The following ARL6IP6 variants were observed in gnomAD, a reference collection of about 807,000 sequenced individuals.
ARL6IP6 encodes ARF like GTPase 6 interacting protein 6.
Under a neutral mutation model 21.5 loss-of-function variants are expected in ARL6IP6, and 22 were observed. The ratio of observed to expected loss-of-function variants is 1.02; its 90% CI spans 0.73 to 1.46. ARL6IP6 has a LOEUF of 1.46. ARL6IP6 is among the 40% of genes most tolerant of loss of function. The pLI, the probability that ARL6IP6 is intolerant of heterozygous loss-of-function variation, is 0.00. For missense variants in ARL6IP6, 388 were observed against 299.8 expected (o/e 1.29, Z -2.17); for synonymous variants, 164 against 125.3 (o/e 1.31, Z -2.06).
intron 2 of ARL6IP6, among the ~76,000 whole-genome samples, chr2:152,733,912 C>G (rs1437806311): frequency 2.0e-5 from 3 of 152,180 alleles, no homozygotes; most frequent in African/African-American, 7.2e-5. Flanking sequence ...GCACAATAAC[C>G]AACACATAGT....
chr2:152,737,113 C>T (rs1038252523), intron 3 of ARL6IP6, among the ~76,000 whole-genome samples: 1 of 152,158 alleles, frequency 6.6e-6, no homozygotes, highest in Non-Finnish European at 1.5e-5. Context: ...CCCAAATGAC[C>T]CTACCCTACT....
intron 2 of ARL6IP6, among the ~76,000 whole-genome samples, chr2:152,732,303 C>T (rs1223897935): frequency 2.0e-5 from 3 of 152,060 alleles, no homozygotes; most frequent in Non-Finnish European, 4.4e-5. Context: ...CCAAAACAGC[C>T]ATGCATGAAG....
At position 152,747,308 on chromosome 2, in the gene ARL6IP6, T is replaced by C. The variant is rs114416730; in HGVS notation, c.587+12182T>C. 4.8e-3 allele frequency among the ~76,000 whole-genome samples: 729 copies of C among 152,292 alleles called. 6 individuals carry two copies. Among genetic ancestry groups the C allele is most frequent in the African/African-American group, 0.016 (678 of 41,552 alleles). On this transcript the variant is annotated intron_variant, in intron 3 of 3. Transcript: ENST00000326446. ...AGAGCTAGCTTTCCAGGTCTTTCAT[T>C]CTGATCATATTAAACAATTGAGCTT...
chr2:152,746,029 TTTTTTA>T, intron 3 of ARL6IP6, among the ~76,000 whole-genome samples: 1 of 120,394 alleles, frequency 8.3e-6, no homozygotes, highest in African/African-American at 3.1e-5. Context: ...TTTTTTTTTT[TTTTTTA>T]AAGACAGGTT....
At chr2:152,746,043 G>T (rs1559238499) in intron 3 of ARL6IP6, among the ~76,000 whole-genome samples, 1 of 89,038 alleles carries the variant, frequency 1.1e-5, no homozygotes, top group Non-Finnish European at 2.0e-5. Flanking sequence ...TTAAAGACAG[G>T]TTCTCACTTT....
intron 3 of ARL6IP6, among the ~76,000 whole-genome samples, chr2:152,744,546 A>G (rs1331643135): frequency 5.3e-5 from 8 of 152,176 alleles, no homozygotes; most frequent in Non-Finnish European, 1.2e-4. Flanking sequence ...GCCAAGGTAA[A>G]GAGTGGTGTC....
chr2:152,738,414 C>G (rs898677899), intron 3 of ARL6IP6, among the ~76,000 whole-genome samples: 2 of 152,242 alleles, frequency 1.3e-5, no homozygotes, highest in African/African-American at 4.8e-5. Flanking sequence ...CCCCACATTT[C>G]CCTTCTGCAC....
chr2:152,749,907 C>T (rs573061416), intron 3 of ARL6IP6, among the ~76,000 whole-genome samples: 66 of 152,190 alleles, frequency 4.3e-4, no homozygotes, highest in Non-Finnish European at 8.8e-4. Context: ...CCATTGGGTA[C>T]TCTATTTTAC....
At chr2:152,727,743 T>TAA (rs1700110454) in intron 2 of ARL6IP6, among the ~76,000 whole-genome samples, 1 of 148,116 alleles carries the variant, frequency 6.8e-6, no homozygotes, top group South Asian at 2.2e-4. Flanking sequence ...AGCATTGGAA[T>TAA]AATAGGATAT....
intron 3 of ARL6IP6, among the ~76,000 whole-genome samples, chr2:152,740,521 A>G (rs1008168673): frequency 6.6e-6 from 1 of 152,154 alleles, no homozygotes; most frequent in African/African-American, 2.4e-5. Flanking sequence ...ACAAATGAAT[A>G]CAAAATATAA....
At chr2:152,739,904 G>T (rs976723765) in intron 3 of ARL6IP6, among the ~76,000 whole-genome samples, 1 of 152,100 alleles carries the variant, frequency 6.6e-6, no homozygotes, top group East Asian at 1.9e-4. Context: ...CAGAGGAACT[G>T]CCCTTTATAA....
rs756464121 is a variant in ARL6IP6, at chr2:152,718,822, G to A, written c.198G>A (p.Glu66=). 4 of 1,609,332 alleles carry A rather than the reference G, an allele frequency of 2.5e-6. No individual in the cohort carries two copies. The Admixed American group carries it at 6.8e-5, about 27-fold the overall frequency. ...RAEFSAGAWS[E]PRKRSVLPPD... is the part of the protein sequence containing the mutation. ...AGTTCTCGGCTGGGGCGTGGTCAGAGCCCAGAAAGCGCTCGGTGCTCCCGC... is the reference window on the plus strand; with the variant it reads ...AGTTCTCGGCTGGGGCGTGGTCAGAACCCAGAAAGCGCTCGGTGCTCCCGC... Residue 66 remains glutamate (E), a synonymous_variant, in exon 1 of 4, where the codon GAG becomes GAA. Coordinates refer to ENST00000326446, the MANE Select transcript of ARL6IP6 (RefSeq NM_152522.7).
chr2:152,735,126 A>G lies in ARL6IP6; in HGVS notation c.587A>G (p.Lys196Arg), dbSNP rs780521809. Reference sequence around the variant, plus strand: ...ACTCCTCTTTCACCTGCCAGGTTCAAGTAAGTATTCCTGTTTCCTGTTTCT... The same window carrying G: ...ACTCCTCTTTCACCTGCCAGGTTCAGGTAAGTATTCCTGTTTCCTGTTTCT... ...PPTPLSPARF[K>R]KLTGHSFHMG... is the part of the protein sequence containing the mutation. Residue 196 changes from lysine (K) to arginine (R), a missense_variant and splice_region_variant, in exon 3 of 4, where the codon AAG becomes AGG. Coordinates refer to ENST00000326446, the MANE Select transcript of ARL6IP6 (RefSeq NM_152522.7). The G allele has an allele frequency of 4.3e-5, 69 of 1,613,436 alleles. No homozygotes were observed. Among genetic ancestry groups the G allele is most frequent in the Non-Finnish European group, 5.7e-5 (67 of 1,179,668 alleles).
chr2:152,731,033 A>G (rs1700285595), intron 2 of ARL6IP6, among the ~76,000 whole-genome samples: 2 of 152,154 alleles, frequency 1.3e-5, no homozygotes, highest in South Asian at 2.1e-4. Context: ...CCACACAAAC[A>G]TTTTATCTGT....
chr2:152,727,002 T>C (rs1353260618), intron 2 of ARL6IP6, among the ~76,000 whole-genome samples: 2 of 152,238 alleles, frequency 1.3e-5, no homozygotes, highest in Admixed American at 1.3e-4. Flanking sequence ...ATGCTTCTTA[T>C]TGTTTTAGAT....
At chr2:152,741,498 A>G (rs1191480750) in intron 3 of ARL6IP6, among the ~76,000 whole-genome samples, 1 of 152,032 alleles carries the variant, frequency 6.6e-6, no homozygotes, top group Non-Finnish European at 1.5e-5. Flanking sequence ...CAAACCCCTC[A>G]GAGGAAGAAA....
chr2:152,717,696 C>T (rs1381185888), upstream of ARL6IP6: 1 of 1,398,700 alleles, frequency 7.1e-7, no homozygotes, highest in African/African-American at 1.5e-5. Context: ...GAAAACTCTA[C>T]CAACTTCCCC....
upstream of ARL6IP6, chr2:152,718,164 C>T: frequency 1.4e-6 from 1 of 712,022 alleles, no homozygotes; most frequent in South Asian, 6.0e-5. Flanking sequence ...AGAGTGTGAG[C>T]GTAGTGGGGA....
chr2:152,719,467 A>G (rs985969171), intron 1 of ARL6IP6, among the ~76,000 whole-genome samples: 4 of 152,222 alleles, frequency 2.6e-5, no homozygotes, highest in Admixed American at 6.5e-5. Flanking sequence ...AAAGATTTTC[A>G]TCGCATAGTC....
Sources: allele counts gnomAD v4.1 joint callset (sites outside exome capture counted in the v4.1 genomes callset), GRCh38; gene constraint gnomAD v4.1.1; transcripts MANE v1.5; gene names NCBI Gene and HGNC (gene_info 2026-07-23, HGNC 2026-07-21).